DHTKD1: variants seen among roughly 807,000 people sequenced by gnomAD.
The protein encoded by DHTKD1 is dehydrogenase E1 and transketolase domain containing 1.
In DHTKD1, 78 loss-of-function variants were observed where a neutral mutation model predicts 101.8. The ratio of observed to expected loss-of-function variants is 0.77; its 90% CI spans 0.64 to 0.93. The LOEUF (loss-of-function observed/expected upper bound fraction) is 0.93. DHTKD1 is among the 40% of genes least tolerant of loss of function. DHTKD1 has a pLI of 0.00. For synonymous variants in DHTKD1, 462 were observed against 450.3 expected (o/e 1.03, Z -0.33); for missense variants, 1,223 against 1,161.7 (o/e 1.05, Z -0.77).
chr10:12,118,644 A>G (rs1833463196), intron 14 of DHTKD1, 105 bp from the exon 15 acceptor site: 1 of 865,088 alleles, frequency 1.2e-6, no homozygotes, highest in South Asian at 3.2e-5. Flanking sequence ...GGCCTCCCAA[A>G]GTGCTGAGAT....
At chr10:12,083,124 C>A (rs1427407380) in intron 2 of DHTKD1, among the ~76,000 whole-genome samples, 1 of 151,694 alleles carries the variant, frequency 6.6e-6, no homozygotes, top group Non-Finnish European at 1.5e-5. Flanking sequence ...TGCCACTGCA[C>A]TCCAGCCTGG....
chr10:12,084,060 C>T (rs149920480), intron 2 of DHTKD1, among the ~76,000 whole-genome samples: 2 of 151,936 alleles, frequency 1.3e-5, no homozygotes, highest in African/African-American at 4.8e-5. Flanking sequence ...GTAGCTGGGA[C>T]TACAGGCGCA....
rs756286549 is a variant in DHTKD1, at chr10:12,118,787, A to G, written c.2441A>G (p.Tyr814Cys). 6.2e-6 allele frequency: 10 copies of G among 1,602,166 alleles called. No homozygotes were observed. The highest frequency in any genetic ancestry group is 1.7e-4 in the Middle Eastern group (1 of 6,018). ...GTGTTCTGCTCCGGCAAACATTTCTACTCCCTGGTGAAACAAAGAGAATCT... is the reference window on the plus strand; with the variant it reads ...GTGTTCTGCTCCGGCAAACATTTCTGCTCCCTGGTGAAACAAAGAGAATCT... ...TLVFCSGKHF[Y>C]SLVKQRESLG... Residue 814 changes from tyrosine (Y) to cysteine (C), a missense_variant, in exon 15 of 17, where the codon TAC becomes TGC. Transcript: ENST00000263035.
At chr10:12,078,133 A>G (rs1018639259) in intron 1 of DHTKD1, among the ~76,000 whole-genome samples, 1 of 152,110 alleles carries the variant, frequency 6.6e-6, no homozygotes, top group East Asian at 1.9e-4. Context: ...ACTTAGAAAT[A>G]GAAGCAGTGG....
chr10:12,071,362 G>T (rs570876968), intron 1 of DHTKD1, among the ~76,000 whole-genome samples: 3 of 152,214 alleles, frequency 2.0e-5, no homozygotes, highest in Non-Finnish European at 4.4e-5. Context: ...CAGAATGGAA[G>T]TTAGGAATCG....
intron 12 of DHTKD1, among the ~76,000 whole-genome samples, chr10:12,109,214 A>G (rs1334895262): frequency 6.6e-6 from 1 of 152,084 alleles, no homozygotes; most frequent in Non-Finnish European, 1.5e-5. Flanking sequence ...GTACTTCAGC[A>G]TGCATATCGT....
chr10:12,075,853 A>C (rs1006625850), intron 1 of DHTKD1, among the ~76,000 whole-genome samples: 1 of 152,030 alleles, frequency 6.6e-6, no homozygotes, highest in African/African-American at 2.4e-5. Context: ...GAACTTGATC[A>C]GTTAATTCCA....
chr10:12,082,818 G>T (rs1832842063), intron 2 of DHTKD1, among the ~76,000 whole-genome samples: 1 of 152,044 alleles, frequency 6.6e-6, no homozygotes, highest in African/African-American at 2.4e-5. Flanking sequence ...ATACAAAAAA[G>T]AAATACAATG....
At chr10:12,070,335 G>C (rs1832634255) in intron 1 of DHTKD1, among the ~76,000 whole-genome samples, 1 of 152,110 alleles carries the variant, frequency 6.6e-6, no homozygotes, top group Admixed American at 6.6e-5. Context: ...AAATCATTTG[G>C]CATCTTTGAT....
chr10:12,119,277 G>C (rs1372378041), intron 15 of DHTKD1, among the ~76,000 whole-genome samples: 1 of 151,002 alleles, frequency 6.6e-6, no homozygotes, highest in Non-Finnish European at 1.5e-5. Context: ...CTGCACTCCA[G>C]CCTGGGCACA....
chr10:12,089,060 C>T lies in DHTKD1; in HGVS notation c.792C>T (p.His264=), dbSNP rs759022908. 5 of 1,614,064 alleles carry T rather than the reference C, an allele frequency of 3.1e-6. No homozygotes were observed. The highest frequency in any genetic ancestry group is 2.2e-5 in the South Asian group (2 of 91,084). ...NFSATGDVLS[H]LTSSVDLYFG... is the part of the protein sequence containing the mutation. ...CAGCCACTGGAGACGTCCTGTCTCA[C>T]CTGACCTCCTCTGTGGACCTGTACT... is the stretch of plus-strand genomic sequence containing the variant. Residue 264 remains histidine (H), a synonymous_variant, in exon 5 of 17, where the codon CAC becomes CAT. Transcript: ENST00000263035.
chr10:12,081,565 T>C lies in DHTKD1; in HGVS notation c.248T>C (p.Leu83Pro). ...INPLFTGQAL[L>P]ENVPEIQALV... ...CCCCTCTTCACCGGACAAGCCCTGCTGGAGAATGTGCCTGAAATCCAAGCC... is the reference window on the plus strand; with the variant it reads ...CCCCTCTTCACCGGACAAGCCCTGCCGGAGAATGTGCCTGAAATCCAAGCC... Residue 83 changes from leucine to proline, a missense_variant, in exon 2 of 17, where the codon CTG becomes CCG. By Grantham distance (98) the Leu-to-Pro change is moderately conservative. Transcript: ENST00000263035. The C allele has an allele frequency of 5.0e-6, 8 of 1,614,188 alleles. No homozygotes were observed. Among genetic ancestry groups the C allele is most frequent in the Non-Finnish European group, 6.8e-6 (8 of 1,180,042 alleles).
At chr10:12,118,702 T>C (rs900986163) in intron 14 of DHTKD1, 47 bp from the exon 15 acceptor site, 5 of 1,430,136 alleles carry the variant, frequency 3.5e-6, no homozygotes, top group Non-Finnish European at 4.6e-6. Flanking sequence ...TAATTCTTAC[T>C]TTAAAAAATT....
intron 13 of DHTKD1, among the ~76,000 whole-genome samples, chr10:12,115,992 A>C (rs1430851359): frequency 1.3e-5 from 2 of 148,326 alleles, no homozygotes; most frequent in Non-Finnish European, 3.0e-5. Flanking sequence ...GTGCAATGGC[A>C]CAATATCAGC....
intron 1 of DHTKD1, among the ~76,000 whole-genome samples, chr10:12,080,247 C>T (rs1832792353): frequency 6.7e-6 from 1 of 149,478 alleles, no homozygotes; most frequent in South Asian, 2.1e-4. Context: ...TTGCAGTGAG[C>T]CAGGATCACG....
At chr10:12,117,607 C>G (rs1284303268) in intron 13 of DHTKD1, 66 bp from the exon 14 acceptor site, 2 of 927,802 alleles carry the variant, frequency 2.2e-6, no homozygotes, top group East Asian at 2.5e-5. Context: ...TGATAGCGGC[C>G]CTTGTAAGTG....
chr10:12,073,976 G>A (rs1401095025), intron 1 of DHTKD1, among the ~76,000 whole-genome samples: 1 of 152,194 alleles, frequency 6.6e-6, no homozygotes, highest in Non-Finnish European at 1.5e-5. Context: ...TTTAAGAGGA[G>A]TGCAGGCGTG....
At chr10:12,096,579 T>G (rs1161833213) in intron 7 of DHTKD1, among the ~76,000 whole-genome samples, 1 of 152,184 alleles carries the variant, frequency 6.6e-6, no homozygotes. Context: ...TTACCCAAGC[T>G]GGTCTCGCCA....
rs764879027 is a variant in DHTKD1, at chr10:12,079,067, G to C, written c.155-2405G>C. 3.9e-5 allele frequency among the ~76,000 whole-genome samples: 6 copies of C among 152,248 alleles called. No individual in the cohort carries two copies. In the South Asian group the frequency reaches 1.0e-3, roughly 26 times the overall value. ...TAGACTGAGAAGGTGGCCTTGGGCA[G>C]AGCTGGGGAGTACCAATATTTTATG... On this transcript the variant is annotated intron_variant, in intron 1 of 16. Transcript: ENST00000263035.
Sources: gnomAD v4.1 joint callset for allele counts (sites outside exome capture counted in the v4.1 genomes callset) on GRCh38, gnomAD v4.1.1 for gene constraint, MANE v1.5 for transcripts, NCBI Gene and HGNC (gene_info 2026-07-23, HGNC 2026-07-21) for gene names.